Variants in PMFBP1 observed in about 807,000 individuals in gnomAD.
PMFBP1 encodes polyamine modulated factor 1 binding protein 1, also known as polyamine-modulated factor 1-binding protein 1.
Under a neutral mutation model 137.8 loss-of-function variants are expected in PMFBP1, and 131 were observed. The ratio of observed to expected loss-of-function variants is 0.95; its 90% CI spans 0.82 to 1.10. PMFBP1 has a LOEUF of 1.10. PMFBP1 is among the 50% of genes least tolerant of loss of function. The pLI is 0.00. For missense variants in PMFBP1, 1,199 were observed against 1,175.4 expected, an observed-to-expected ratio of 1.02 and a Z score of -0.29; for synonymous variants, 490 against 450.4, an observed-to-expected ratio of 1.09 and a Z score of -1.11.
At chr16:72,216,345 T>A in the PMFBP1 span, among the ~76,000 whole-genome samples, 1 of 152,216 alleles carries the variant, frequency 6.6e-6, no homozygotes, top group Non-Finnish European at 1.5e-5. Context: ...CTATCCTATT[T>A]GATTAATACA....
chr16:72,228,794 A>G, the PMFBP1 span, among the ~76,000 whole-genome samples: 3 of 149,896 alleles, frequency 2.0e-5, no homozygotes, highest in Admixed American at 2.0e-4. Context: ...TTACTTCTCT[A>G]CAGATGAGTA....
chr16:72,151,354 A>G (rs1567635052), intron 4 of PMFBP1, among the ~76,000 whole-genome samples: 2 of 152,354 alleles, frequency 1.3e-5, no homozygotes, highest in African/African-American at 4.8e-5. Flanking sequence ...ATTAGTCAAC[A>G]AACTGACAGA....
At position 72,119,257 on chromosome 16, in the gene PMFBP1, T is replaced by C; in HGVS notation, c.*81A>G. ...ATACTCCTGTAAGAGCTGATCCAGG[T>C]CAAGAGAGAGGGAGGGCTGGGAACT... On this transcript the variant is annotated 3_prime_UTR_variant, in exon 21 of 21. Transcript: ENST00000237353. 1 of 1,484,016 alleles carries C rather than the reference T, an allele frequency of 6.7e-7. No individual in the cohort carries two copies. Among genetic ancestry groups the C allele is most frequent in the Non-Finnish European group, 9.4e-7 (1 of 1,062,754 alleles). 91.9% of individuals were successfully genotyped at this position (1,484,016 alleles called of 1,614,324 possible).
chr16:72,141,258 G>A (rs1309068458), intron 5 of PMFBP1, among the ~76,000 whole-genome samples: 2 of 152,080 alleles, frequency 1.3e-5, no homozygotes, highest in South Asian at 2.1e-4. Context: ...GTCTTATACA[G>A]TATTTAAACA....
chr16:72,150,354 T>C (rs2042883029), intron 5 of PMFBP1, among the ~76,000 whole-genome samples: 1 of 152,168 alleles, frequency 6.6e-6, no homozygotes, highest in Non-Finnish European at 1.5e-5. Context: ...GAAGCTTATT[T>C]GGTAATTCTC....
intron 19 of PMFBP1, among the ~76,000 whole-genome samples, chr16:72,120,674 G>A (rs1397215255): frequency 1.3e-5 from 2 of 152,204 alleles, no homozygotes; most frequent in African/African-American, 2.4e-5. Context: ...ATAATTTAGC[G>A]CATTCCCCGT....
At chr16:72,121,314 G>T (rs1301473352) in intron 19 of PMFBP1, among the ~76,000 whole-genome samples, 5 of 152,146 alleles carry the variant, frequency 3.3e-5, no homozygotes, top group Admixed American at 3.3e-4. Flanking sequence ...GGTCTGGAGA[G>T]GGGGTCTCAG....
chr16:72,140,575 TCA>T lies in PMFBP1; in HGVS notation c.642_643del (p.Asn216GlnfsTer3). The T allele has an allele frequency of 6.2e-7, 1 of 1,611,058 alleles. No homozygotes were observed. Among genetic ancestry groups the T allele is most frequent in the East Asian group, 2.2e-5 (1 of 44,844 alleles). On this transcript the variant is annotated frameshift_variant, in exon 6 of 21. Coordinates refer to ENST00000237353, the MANE Select transcript of PMFBP1 (RefSeq NM_031293.3). LOFTEE classifies it high-confidence loss of function. ...TACCTTTGAATGATCACCCTTGTTC[TCA>T]GGCTCCTGAGAGATTTAAAAATAAT...
At chr16:72,173,416 T>C (rs72791115), upstream of PMFBP1, among the ~76,000 whole-genome samples, 20,160 of 152,288 alleles carry the variant, frequency 0.13, 1,812 homozygotes, top group South Asian at 0.19. Flanking sequence ...TTCTAGATTG[T>C]GATGGTTTCA....
chr16:72,163,582 G>A (rs1161427407), intron 3 of PMFBP1, among the ~76,000 whole-genome samples: 1 of 152,210 alleles, frequency 6.6e-6, no homozygotes, highest in Non-Finnish European at 1.5e-5. Context: ...TAGTTGATGT[G>A]GGAGGTGGTC....
intron 2 of PMFBP1, among the ~76,000 whole-genome samples, chr16:72,169,313 C>T (rs1396852001): frequency 6.6e-6 from 1 of 152,154 alleles, no homozygotes; most frequent in Non-Finnish European, 1.5e-5. Flanking sequence ...GGAATTCTTA[C>T]ATTTCACTTG....
intron 4 of PMFBP1, among the ~76,000 whole-genome samples, chr16:72,153,594 G>C (rs2042935687): frequency 6.6e-6 from 1 of 151,714 alleles, no homozygotes; most frequent in Admixed American, 6.6e-5. Flanking sequence ...ATTTACTTGG[G>C]ATTCTAAAGG....
At chr16:72,163,929 G>GT (rs1230223856) in intron 3 of PMFBP1, among the ~76,000 whole-genome samples, 1 of 136,174 alleles carries the variant, frequency 7.3e-6, no homozygotes, top group Non-Finnish European at 1.7e-5. Context: ...TGGAAAGGGT[G>GT]GGGGGGGTGA....
At chr16:72,212,085 T>C in the PMFBP1 span, among the ~76,000 whole-genome samples, 1 of 152,000 alleles carries the variant, frequency 6.6e-6, no homozygotes, top group East Asian at 1.9e-4. Context: ...TATAGCAAGA[T>C]GTAATAGAAA....
In PMFBP1 at chr16:72,132,770, G is replaced by C. The variant is rs1256085700; in HGVS notation, c.1425C>G (p.Ala475=). 6.2e-7 allele frequency: 1 copy of C among 1,614,180 alleles called. No individual in the cohort carries two copies. Among genetic ancestry groups the C allele is most frequent in the Non-Finnish European group, 8.5e-7 (1 of 1,180,038 alleles). The change falls in exon 10 of 21, where the codon GCC becomes GCG. Residue 475 remains alanine (A), a synonymous_variant. Transcript: ENST00000237353. ...VQKLKNSLEE[A]KQQERLAAQQ... is the part of the protein sequence containing the mutation. ...CACCAGCCAGCCTCTCCTGCTGCTT[G>C]GCCTCTTCGAGACTGTTCTTCAGCT...
the PMFBP1 span, among the ~76,000 whole-genome samples, chr16:72,225,714 TAATAATA>T: frequency 2.6e-3 from 371 of 143,286 alleles, 2 homozygotes; most frequent in African/African-American, 6.7e-3. Flanking sequence ...CTGTTTATAA[TAATAATA>T]ATAATAATAA....
intron 10 of PMFBP1, 27 bp from the exon 11 acceptor site, chr16:72,130,749 G>C (rs762531076): frequency 3.8e-6 from 6 of 1,587,976 alleles, no homozygotes; most frequent in Admixed American, 3.5e-5. Flanking sequence ...ATGGCCATGT[G>C]AGAAGGGAGG....
chr16:72,124,641 AG>A (rs2042425966), intron 17 of PMFBP1, 125 bp downstream of exon 17: 4 of 1,149,142 alleles, frequency 3.5e-6, no homozygotes, highest in Admixed American at 2.3e-5. Flanking sequence ...TGCTAAATGG[AG>A]GGGGTGACCT....
Position 72,164,322 on chromosome 16 carries a change from C to A in PMFBP1, c.165+442G>T, listed in dbSNP as rs567326708. The A allele has an allele frequency of 3.2e-5, 32 of 1,013,528 alleles. No homozygotes were observed. In the African/African-American group the frequency reaches 5.0e-4, roughly 16 times the overall value. The allele number at this position is 1,013,528 out of a possible 1,614,324, so 62.8% of individuals were successfully genotyped here. A position where few individuals can be genotyped will look rare whatever the true frequency, so the allele number is the denominator to read the frequency against. On this transcript the variant is annotated intron_variant, in intron 3 of 20. Coordinates refer to ENST00000237353, the MANE Select transcript of PMFBP1 (RefSeq NM_031293.3). The stretch of plus-strand genomic sequence containing the variant: ...GAAGAAAAGCTTGCAGGCAGTGAGA[C>A]GCAGGTGCAGCAATAAAGACCCCCT...
Sources: gnomAD v4.1 joint callset for allele counts (sites outside exome capture counted in the v4.1 genomes callset) on GRCh38, gnomAD v4.1.1 for gene constraint, MANE v1.5 for transcripts, NCBI Gene and HGNC (gene_info 2026-07-23, HGNC 2026-07-21) for gene names.